Variants in SYT9 observed in about 807,000 individuals in gnomAD.
SYT9 encodes synaptotagmin-9.
SYT9 carries 22 observed loss-of-function variants against 48.4 expected under a neutral mutation model. The ratio of observed to expected loss-of-function variants is 0.45; its 90% confidence interval spans 0.32 to 0.65. SYT9 has a LOEUF of 0.65. SYT9 is among the 30% of genes least tolerant of loss of function. SYT9 has a pLI of 0.03. For missense variants in SYT9, 577 were observed against 622.0 expected, an observed-to-expected ratio of 0.93 and a Z score of 0.77; for synonymous variants, 265 against 245.0, an observed-to-expected ratio of 1.08 and a Z score of -0.76.
intron 3 of SYT9, among the ~76,000 whole-genome samples, chr11:7,373,337 A>C (rs567058899): frequency 6.6e-6 from 1 of 152,286 alleles, no homozygotes; most frequent in South Asian, 2.1e-4. Flanking sequence ...TTTTTAATAC[A>C]TCAGCTACAC....
Position 7,309,695 on chromosome 11 carries a change from T to C in SYT9, c.498-3700T>C, listed in dbSNP as rs116694842. Among the ~76,000 whole-genome samples the C allele has an allele frequency of 1.2e-3, 178 of 152,288 alleles. 1 individual carries two copies. The highest frequency in any genetic ancestry group is 4.1e-3 in the African/African-American group (170 of 41,562). ...AGTAGCCTATGAGAACTATAGAATA[T>C]TGATTTTCCATTTCCTCCACCCCCT... is the stretch of plus-strand genomic sequence containing the variant. On this transcript the variant is annotated intron_variant, in intron 2 of 6. Coordinates refer to ENST00000318881, the MANE Select transcript of SYT9 (RefSeq NM_175733.4).
upstream of SYT9, among the ~76,000 whole-genome samples, chr11:7,250,503 T>A (rs1002766590): frequency 7.4e-6 from 1 of 135,024 alleles, no homozygotes; most frequent in Admixed American, 8.3e-5. Context: ...GTTCATGGCC[T>A]TTTTCTTCTT....
At chr11:7,442,107 G>A (rs760158728) in intron 6 of SYT9, among the ~76,000 whole-genome samples, 6 of 151,906 alleles carry the variant, frequency 3.9e-5, no homozygotes, top group African/African-American at 7.3e-5. Flanking sequence ...GACCAGCAGC[G>A]CCCACTGAGA....
chr11:7,280,771 GTAAGTAA>G (rs1280665720), intron 1 of SYT9, among the ~76,000 whole-genome samples: 4 of 81,532 alleles, frequency 4.9e-5, no homozygotes, highest in East Asian at 6.5e-4. Flanking sequence ...TACTATAGAT[GTAAGTAA>G]GATACTATAG....
chr11:7,414,064 C>A (rs7938208), intron 3 of SYT9, among the ~76,000 whole-genome samples: 70,941 of 151,984 alleles, frequency 0.47, 18,774 homozygotes, highest in African/African-American at 0.71. Flanking sequence ...AAACAAACCA[C>A]CATACCTAGC....
chr11:7,362,392 C>A (rs972193969), intron 3 of SYT9, among the ~76,000 whole-genome samples: 1 of 152,060 alleles, frequency 6.6e-6, no homozygotes, highest in Non-Finnish European at 1.5e-5. Context: ...GCATTGGCCT[C>A]CCAAAGGGCT....
At chr11:7,357,497 T>C (rs1850043335) in intron 3 of SYT9, among the ~76,000 whole-genome samples, 1 of 152,136 alleles carries the variant, frequency 6.6e-6, no homozygotes. Flanking sequence ...CCGATAGTAA[T>C]TGGGCCCCAG....
At chr11:7,247,145 T>G (rs1000701717), upstream of SYT9, among the ~76,000 whole-genome samples, 1 of 152,172 alleles carries the variant, frequency 6.6e-6, no homozygotes, top group African/African-American at 2.4e-5. Context: ...AGGTGGTGTT[T>G]GGTTACATGA....
chr11:7,270,759 T>G (rs1848278669), intron 1 of SYT9, among the ~76,000 whole-genome samples: 1 of 152,084 alleles, frequency 6.6e-6, no homozygotes, highest in Non-Finnish European at 1.5e-5. Flanking sequence ...TTGAATTAGT[T>G]AAAATTAATT....
chr11:7,335,816 A>G (rs1849621899), intron 3 of SYT9, among the ~76,000 whole-genome samples: 1 of 152,148 alleles, frequency 6.6e-6, no homozygotes, highest in Admixed American at 6.6e-5. Flanking sequence ...ATACACATGC[A>G]TGTGTCTTTA....
Position 7,252,084 on chromosome 11 carries a change from G to A in SYT9, c.-103G>A. 7.9e-7 allele frequency: 1 copy of A among 1,260,392 alleles called. No homozygotes were observed. The highest frequency in any genetic ancestry group is 1.6e-5 in the African/African-American group (1 of 63,702). The allele number at this position is 1,260,392 out of a possible 1,614,324, so 78.1% of individuals were successfully genotyped here. A position where few individuals can be genotyped will look rare whatever the true frequency, so the allele number is the denominator to read the frequency against. On this transcript the variant is annotated 5_prime_UTR_variant, in exon 1 of 7. It introduces an in-frame stop codon into an upstream open reading frame of the 5' UTR. Coordinates refer to ENST00000318881, the MANE Select transcript of SYT9 (RefSeq NM_175733.4). This position sits in a 1 kb window ranked among gnomAD's most constrained non-coding sequence, Gnocchi z 6.3. ...CGCACCGTTTCTCGGCAGGTCCCTGGCGGTGAGCGCGGACGGCCCGGAGGC... is the reference window on the plus strand; with the variant it reads ...CGCACCGTTTCTCGGCAGGTCCCTGACGGTGAGCGCGGACGGCCCGGAGGC...
At chr11:7,335,388 T>G (rs1849615381) in intron 3 of SYT9, among the ~76,000 whole-genome samples, 2 of 152,150 alleles carry the variant, frequency 1.3e-5, no homozygotes, top group Non-Finnish European at 2.9e-5. Flanking sequence ...TCATAGGAGT[T>G]CGTTGTACAG....
intron 3 of SYT9, among the ~76,000 whole-genome samples, chr11:7,321,928 G>A (rs946038483): frequency 6.6e-6 from 1 of 152,088 alleles, no homozygotes; most frequent in Non-Finnish European, 1.5e-5. Flanking sequence ...TGAGCAATGA[G>A]GGCAACTAGG....
intron 3 of SYT9, among the ~76,000 whole-genome samples, chr11:7,405,089 G>C (rs1381619463): frequency 8.0e-6 from 1 of 124,414 alleles, no homozygotes; most frequent in African/African-American, 3.2e-5. Context: ...TACCTGTCAA[G>C]GTTAAAAAAA....
At chr11:7,270,538 T>C (rs1589901242) in intron 1 of SYT9, among the ~76,000 whole-genome samples, 1 of 152,128 alleles carries the variant, frequency 6.6e-6, no homozygotes, top group Non-Finnish European at 1.5e-5. Flanking sequence ...AGAAAAAAAA[T>C]TGCATGTTTT....
intron 6 of SYT9, among the ~76,000 whole-genome samples, chr11:7,445,126 T>C (rs1847903172): frequency 6.6e-6 from 1 of 152,212 alleles, no homozygotes; most frequent in Non-Finnish European, 1.5e-5. Context: ...AACACAACAA[T>C]AGATCCTACC....
At chr11:7,282,852 C>G (rs1848524767) in intron 1 of SYT9, among the ~76,000 whole-genome samples, 1 of 151,852 alleles carries the variant, frequency 6.6e-6, no homozygotes, top group Non-Finnish European at 1.5e-5. Context: ...CATTTAACTT[C>G]TCTACATTTT....
At chr11:7,335,912 C>G (rs552612971) in intron 3 of SYT9, among the ~76,000 whole-genome samples, 1 of 151,866 alleles carries the variant, frequency 6.6e-6, no homozygotes, top group African/African-American at 2.4e-5. Context: ...AGCTCATTAT[C>G]GCCACACTGC....
At chr11:7,432,069 C>CTGACAGCT (rs911755678) in intron 6 of SYT9, among the ~76,000 whole-genome samples, 8 of 152,234 alleles carry the variant, frequency 5.3e-5, no homozygotes, top group African/African-American at 1.9e-4. Flanking sequence ...GGTAGATCCA[C>CTGACAGCT]TGACAGCTTG....
Sources: allele counts gnomAD v4.1 joint callset (sites outside exome capture counted in the v4.1 genomes callset), GRCh38; gene constraint gnomAD v4.1.1; non-coding constraint Gnocchi (gnomAD v3.1); transcripts MANE v1.5; gene names NCBI Gene and HGNC (gene_info 2026-07-23, HGNC 2026-07-21).